ADAM12: variants seen among roughly 807,000 people sequenced by gnomAD.
The protein encoded by ADAM12 is ADAM metallopeptidase domain 12.
In ADAM12, 70 loss-of-function variants were observed where a neutral mutation model predicts 106.4. The ratio of observed to expected loss-of-function variants is 0.66; its 90% CI spans 0.54 to 0.80. ADAM12 has a LOEUF of 0.80. Ranked by LOEUF, ADAM12 falls within the 30% of genes least tolerant of loss-of-function variation. ADAM12 has a pLI of 0.00. For synonymous variants in ADAM12, 420 were observed against 433.5 expected, an observed-to-expected ratio of 0.97 and a Z score of 0.39; for missense variants, 1,010 against 1,171.9, an observed-to-expected ratio of 0.86 and a Z score of 2.02.
chr10:126,337,631 C>G (rs967527550), intron 1 of ADAM12, among the ~76,000 whole-genome samples: 2 of 152,206 alleles, frequency 1.3e-5, no homozygotes, highest in Non-Finnish European at 2.9e-5. Flanking sequence ...TGCCAATCTC[C>G]TCTGGCAACA....
intron 3 of ADAM12, among the ~76,000 whole-genome samples, chr10:126,158,891 G>A (rs1361919730): frequency 6.8e-6 from 1 of 147,210 alleles, no homozygotes; most frequent in African/African-American, 2.5e-5. Context: ...AGGATGCACA[G>A]AGCATGGTGG....
intron 9 of ADAM12, among the ~76,000 whole-genome samples, chr10:126,100,841 G>A (rs78371983): frequency 0.023 from 3,507 of 152,256 alleles, 102 homozygotes; most frequent in East Asian, 0.084. Flanking sequence ...GGAAATGAGA[G>A]TTCTGTAGAG....
chr10:126,144,981 A>C (rs1956598810), intron 4 of ADAM12, among the ~76,000 whole-genome samples: 1 of 152,202 alleles, frequency 6.6e-6, no homozygotes, highest in Non-Finnish European at 1.5e-5. Flanking sequence ...TCCAGACAGA[A>C]GGTCTATCTT....
intron 21 of ADAM12, among the ~76,000 whole-genome samples, chr10:126,024,951 T>TGGGGTCTGGA (rs1953841075): frequency 6.6e-6 from 1 of 152,026 alleles, no homozygotes; most frequent in South Asian, 2.1e-4. Context: ...CTGAGGCTAC[T>TGGGGTCTGGA]GGGGTCTGGA....
chr10:126,098,926 T>C (rs1429006568), intron 9 of ADAM12, among the ~76,000 whole-genome samples: 1 of 152,228 alleles, frequency 6.6e-6, no homozygotes, highest in Non-Finnish European at 1.5e-5. Flanking sequence ...GGTAACTTAC[T>C]ACAGTTCTGC....
At position 126,261,224 on chromosome 10, in the gene ADAM12, G is replaced by GCA. The variant is rs141273175; in HGVS notation, c.260+17689_260+17690dup. Among the ~76,000 whole-genome samples, 42 of 151,650 alleles carry GCA rather than the reference G, an allele frequency of 2.8e-4. 1 individual carries two copies. Among genetic ancestry groups the GCA allele is most frequent in the South Asian group, 6.3e-4 (3 of 4,792 alleles). ...CCTTCAGATACCAAGGCACGACTGT[G>GCA]CACACACACACACACTGGTATGTTT... On this transcript the variant is annotated intron_variant, in intron 3 of 22. Coordinates refer to ENST00000448723, the MANE Select transcript of ADAM12 (RefSeq NM_001288973.2).
intron 2 of ADAM12, among the ~76,000 whole-genome samples, chr10:126,318,562 A>ACTCT (rs1554865523): frequency 6.6e-6 from 1 of 150,798 alleles, no homozygotes; most frequent in Non-Finnish European, 1.5e-5. Context: ...TCACATTCAC[A>ACTCT]CTCACACACT....
At chr10:126,381,689 A>C (rs1856499612) in intron 1 of ADAM12, among the ~76,000 whole-genome samples, 2 of 151,662 alleles carry the variant, frequency 1.3e-5, no homozygotes, top group African/African-American at 4.8e-5. Context: ...TTTAGTAGAG[A>C]TAGGATTTCA....
chr10:126,030,529 G>A (rs1953954137), intron 21 of ADAM12, among the ~76,000 whole-genome samples: 1 of 152,132 alleles, frequency 6.6e-6, no homozygotes, highest in Non-Finnish European at 1.5e-5. Context: ...AAATGTAAAG[G>A]CTAAAATATC....
At chr10:126,092,003 A>G (rs1955474054) in intron 11 of ADAM12, among the ~76,000 whole-genome samples, 1 of 152,200 alleles carries the variant, frequency 6.6e-6, no homozygotes, top group Non-Finnish European at 1.5e-5. Context: ...TTGATGAGGA[A>G]TGTAAGAGCC....
chr10:126,158,629 G>C (rs1956870912), intron 3 of ADAM12, among the ~76,000 whole-genome samples: 1 of 84,576 alleles, frequency 1.2e-5, no homozygotes, highest in Admixed American at 1.2e-4. Flanking sequence ...GAGAGCATGG[G>C]GCGGGGATGC....
chr10:126,203,129 T>G (rs985436117), intron 3 of ADAM12, among the ~76,000 whole-genome samples: 18 of 152,194 alleles, frequency 1.2e-4, no homozygotes, highest in African/African-American at 4.3e-4. Context: ...GTCAGGTTTT[T>G]AATTCAGTAA....
Position 126,101,094 on chromosome 10 carries a change from G to A in ADAM12, c.889C>T (p.His297Tyr), listed in dbSNP as rs769802004. Residue 297 changes from histidine to tyrosine, a missense_variant, in exon 9 of 23, where the codon CAT becomes TAT. By Grantham distance (83) the His-to-Tyr change is moderately conservative. Around this residue, in one of 3 missense-constraint regions of ADAM12, gnomAD observed 391 missense variants for 442.9 expected, o/e 0.88. Coordinates refer to ENST00000448723, the MANE Select transcript of ADAM12 (RefSeq NM_001288973.2). ...RKMKLLPRKS[H>Y]DNAQLVSGVY... ...TACCTGACAAGCTGCGCATTGTCATGGGATTTGCGAGGTAGAAGCTTCATC... is the reference window on the plus strand; with the variant it reads ...TACCTGACAAGCTGCGCATTGTCATAGGATTTGCGAGGTAGAAGCTTCATC... The A allele has an allele frequency of 7.4e-6, 12 of 1,613,796 alleles. No homozygotes were observed. The highest frequency in any genetic ancestry group is 1.0e-5 in the Non-Finnish European group (12 of 1,179,888).
intron 3 of ADAM12, among the ~76,000 whole-genome samples, chr10:126,214,492 G>A (rs151011539): frequency 1.1e-4 from 17 of 152,264 alleles, no homozygotes; most frequent in African/African-American, 3.4e-4. Context: ...GAACACAGCC[G>A]TGTTAATATA....
At chr10:126,052,733 G>T (rs1954536400) in intron 14 of ADAM12, among the ~76,000 whole-genome samples, 2 of 152,176 alleles carry the variant, frequency 1.3e-5, no homozygotes, top group Admixed American at 1.3e-4. Context: ...AAATGTACTG[G>T]CAAAGCAAAG....
intron 1 of ADAM12, among the ~76,000 whole-genome samples, chr10:126,339,116 G>T (rs1440591088): frequency 6.6e-6 from 1 of 152,062 alleles, no homozygotes; most frequent in African/African-American, 2.4e-5. Context: ...CATTCCCCAA[G>T]TCTCAGCTCT....
chr10:126,044,653 T>A (rs1442646392), intron 17 of ADAM12, among the ~76,000 whole-genome samples: 1 of 152,336 alleles, frequency 6.6e-6, no homozygotes, highest in East Asian at 1.9e-4. Flanking sequence ...ATGTCTCCCA[T>A]GTAATGCTTT....
intron 3 of ADAM12, among the ~76,000 whole-genome samples, chr10:126,200,230 G>A (rs1261601639): frequency 6.6e-6 from 1 of 152,154 alleles, no homozygotes; most frequent in Non-Finnish European, 1.5e-5. Context: ...CACTAGGAGG[G>A]AGCAGGAAGG....
intron 2 of ADAM12, among the ~76,000 whole-genome samples, chr10:126,309,315 C>T (rs889722041): frequency 2.6e-5 from 4 of 152,128 alleles, no homozygotes; most frequent in Admixed American, 6.5e-5. Flanking sequence ...TGATGAAGGT[C>T]GGCTCTCTCT....
Sources: allele counts gnomAD v4.1 joint callset (sites outside exome capture counted in the v4.1 genomes callset), GRCh38; gene constraint gnomAD v4.1.1; regional missense constraint gnomAD v4.1.1; transcripts MANE v1.5; gene names NCBI Gene and HGNC (gene_info 2026-07-23, HGNC 2026-07-21).